JAZF1: variants seen among roughly 807,000 people sequenced by gnomAD.
JAZF1 encodes the protein JAZF zinc finger 1.
JAZF1 carries 8 observed loss-of-function variants against 26.4 expected under a neutral mutation model. The ratio of observed to expected loss-of-function variants is 0.30; its 90% CI spans 0.18 to 0.55. The LOEUF is 0.55. JAZF1 is among the 20% of genes least tolerant of loss of function. The pLI is 0.94. For missense variants in JAZF1, 199 were observed against 322.0 expected (o/e 0.62, Z 2.92); for synonymous variants, 126 against 122.3 (o/e 1.03, Z -0.20).
chr7:28,153,573 TCTAA>T (rs1382108912), intron 1 of JAZF1, among the ~76,000 whole-genome samples: 1 of 152,172 alleles, frequency 6.6e-6, no homozygotes. Flanking sequence ...CCATCTCCAT[TCTAA>T]CTGTCTCACT....
At chr7:28,129,878 A>G (rs1220558092) in intron 1 of JAZF1, among the ~76,000 whole-genome samples, 1 of 152,106 alleles carries the variant, frequency 6.6e-6, no homozygotes. Context: ...GTGGGATCAG[A>G]GTATATGCAG....
intron 3 of JAZF1, among the ~76,000 whole-genome samples, chr7:27,871,776 C>G (rs754170455): frequency 6.6e-6 from 1 of 152,098 alleles, no homozygotes; most frequent in Non-Finnish European, 1.5e-5. Flanking sequence ...GGGGTGGGTT[C>G]TAGAATTAGA....
chr7:27,995,474 C>T (rs1379075827), intron 1 of JAZF1, among the ~76,000 whole-genome samples: 1 of 152,152 alleles, frequency 6.6e-6, no homozygotes, highest in Non-Finnish European at 1.5e-5. Flanking sequence ...GGGCCAAACA[C>T]AGCACCGACA....
At chr7:27,852,987 C>A (rs1436168926) in intron 3 of JAZF1, among the ~76,000 whole-genome samples, 1 of 152,160 alleles carries the variant, frequency 6.6e-6, no homozygotes, top group Admixed American at 6.5e-5. Flanking sequence ...TAATTGCATG[C>A]AGTAAGAAGT....
intron 1 of JAZF1, among the ~76,000 whole-genome samples, chr7:28,008,865 T>C (rs1220278204): frequency 6.6e-6 from 1 of 152,242 alleles, no homozygotes; most frequent in Non-Finnish European, 1.5e-5. Context: ...TCTGATTCAC[T>C]ACAAACTGTG....
At chr7:27,856,797 T>C (rs1783266006) in intron 3 of JAZF1, among the ~76,000 whole-genome samples, 1 of 152,204 alleles carries the variant, frequency 6.6e-6, no homozygotes, top group South Asian at 2.1e-4. Context: ...ATGAAGGTTC[T>C]CCAAGTCCCC....
intron 2 of JAZF1, among the ~76,000 whole-genome samples, chr7:27,961,841 G>C (rs1785189915): frequency 6.6e-6 from 1 of 152,160 alleles, no homozygotes; most frequent in South Asian, 2.1e-4. Flanking sequence ...TGAGAATCTA[G>C]GGATTCATGA....
At chr7:27,877,089 T>C (rs1255787158) in intron 3 of JAZF1, among the ~76,000 whole-genome samples, 1 of 152,240 alleles carries the variant, frequency 6.6e-6, no homozygotes, top group Admixed American at 6.5e-5. Flanking sequence ...CGCTAGACTT[T>C]GGCAGAGGCC....
intron 2 of JAZF1, among the ~76,000 whole-genome samples, chr7:27,918,656 T>A (rs1221720212): frequency 6.6e-6 from 1 of 152,184 alleles, no homozygotes; most frequent in Non-Finnish European, 1.5e-5. Flanking sequence ...TACAGAAAAT[T>A]TGAGAGCAGA....
At chr7:28,087,161 AC>A (rs1562582608) in intron 1 of JAZF1, among the ~76,000 whole-genome samples, 1 of 152,200 alleles carries the variant, frequency 6.6e-6, no homozygotes, top group African/African-American at 2.4e-5. Context: ...GATCAGATAG[AC>A]AAAAGTAATT....
chr7:28,064,743 T>G (rs1208148950), intron 1 of JAZF1, among the ~76,000 whole-genome samples: 1 of 152,202 alleles, frequency 6.6e-6, no homozygotes, highest in African/African-American at 2.4e-5. Flanking sequence ...TTTTTTGTTT[T>G]TTGTTTTCCT....
chr7:27,889,582 T>C (rs1358309746), intron 3 of JAZF1, among the ~76,000 whole-genome samples: 1 of 152,234 alleles, frequency 6.6e-6, no homozygotes, highest in African/African-American at 2.4e-5. Context: ...AATATTCATC[T>C]TCCTATCATA....
At chr7:28,031,460 C>T (rs1021828714) in intron 1 of JAZF1, among the ~76,000 whole-genome samples, 2 of 152,190 alleles carry the variant, frequency 1.3e-5, no homozygotes, top group Non-Finnish European at 2.9e-5. Flanking sequence ...CCCCAGATTG[C>T]TTCTGAGACT....
At chr7:27,854,197 GCTTTT>G (rs1783202990) in intron 3 of JAZF1, among the ~76,000 whole-genome samples, 1 of 152,136 alleles carries the variant, frequency 6.6e-6, no homozygotes. Flanking sequence ...TCCAACCCCT[GCTTTT>G]CTTTACTTTC....
At chr7:28,155,811 T>C (rs1304152098) in intron 1 of JAZF1, among the ~76,000 whole-genome samples, 1 of 152,220 alleles carries the variant, frequency 6.6e-6, no homozygotes, top group Admixed American at 6.5e-5. Context: ...ATGGGAAGTA[T>C]AGGAACCAAA....
In JAZF1 at chr7:28,153,874, A is replaced by T. The variant is rs893833825; in HGVS notation, c.115+26589T>A. 4.6e-5 allele frequency among the ~76,000 whole-genome samples: 7 copies of T among 152,204 alleles called. No individual in the cohort carries two copies. In the East Asian group the frequency reaches 1.4e-3, roughly 29 times the overall value. ...TGCTTTGGGATGTCTGCAGCTCAGAACTGTTTGCAAAACATGTATCCTCTC... is the reference window on the plus strand; with the variant it reads ...TGCTTTGGGATGTCTGCAGCTCAGATCTGTTTGCAAAACATGTATCCTCTC... On this transcript the variant is annotated intron_variant, in intron 1 of 4. Coordinates refer to ENST00000283928, the MANE Select transcript of JAZF1 (RefSeq NM_175061.4).
chr7:27,864,002 A>G (rs1783426054), intron 3 of JAZF1: 1 of 152,270 alleles, frequency 6.6e-6, no homozygotes, highest in Admixed American at 6.5e-5. Flanking sequence ...GGAGCACAGG[A>G]GAATGCAGGG....
chr7:27,963,566 C>T (rs931078052), intron 2 of JAZF1, among the ~76,000 whole-genome samples: 1 of 106,874 alleles, frequency 9.4e-6, no homozygotes, highest in East Asian at 2.8e-4. Flanking sequence ...ATTCCCCCCC[C>T]CCCTTTTTTT....
chr7:27,885,095 A>G (rs1265192928), intron 3 of JAZF1, among the ~76,000 whole-genome samples: 1 of 152,198 alleles, frequency 6.6e-6, no homozygotes, highest in African/African-American at 2.4e-5. Flanking sequence ...TGCCCTTTAC[A>G]TGGCCCCCTG....
Sources: gnomAD v4.1 joint callset for allele counts (sites outside exome capture counted in the v4.1 genomes callset) on GRCh38, gnomAD v4.1.1 for gene constraint, MANE v1.5 for transcripts, NCBI Gene and HGNC (gene_info 2026-07-23, HGNC 2026-07-21) for gene names.